Variants in PAX7 observed in about 807,000 individuals in gnomAD.
PAX7 encodes the protein paired box 7, also known as paired box protein Pax-7.
PAX7 carries 18 observed loss-of-function variants against 50.7 expected under a neutral mutation model. The ratio of observed to expected loss-of-function variants is 0.36; its 90% CI spans 0.25 to 0.53. The LOEUF (loss-of-function observed/expected upper bound fraction) is 0.53, where lower values mean the gene tolerates loss of function less well. Ranked by LOEUF, PAX7 falls within the 20% of genes least tolerant of loss-of-function variation. The pLI is 0.93. For synonymous variants in PAX7, 310 were observed against 290.4 expected, an observed-to-expected ratio of 1.07 and a Z score of -0.69; for missense variants, 644 against 702.9, an observed-to-expected ratio of 0.92 and a Z score of 0.95.
Position 18,744,934 on chromosome 1 carries a change from C to G in PAX7, c.*5C>G, listed in dbSNP as rs1433727855. The G allele has an allele frequency of 1.4e-5, 21 of 1,501,702 alleles. No homozygotes were observed. The highest frequency in any genetic ancestry group is 1.8e-5 in the Non-Finnish European group (20 of 1,101,462). The allele number at this position is 1,501,702 out of a possible 1,614,324, so 93.0% of individuals were successfully genotyped here. A position where few individuals can be genotyped will look rare whatever the true frequency, so the allele number is the denominator to read the frequency against. On this transcript the variant is annotated 3_prime_UTR_variant, in exon 9 of 9. Transcript: ENST00000420770. ...GAAACTGGCCAGGCCTACTAGGGCCCCTGGGGCGACTTGCCCCAGCCCAAT... is the reference window on the plus strand; with the variant it reads ...GAAACTGGCCAGGCCTACTAGGGCCGCTGGGGCGACTTGCCCCAGCCCAAT...
chr1:18,719,426 T>C (rs1243583568), intron 7 of PAX7, among the ~76,000 whole-genome samples: 1 of 152,172 alleles, frequency 6.6e-6, no homozygotes, highest in Non-Finnish European at 1.5e-5. Context: ...TAGGAGACAG[T>C]GTGCGCTCTC....
chr1:18,706,649 AT>A (rs35641796), intron 7 of PAX7, among the ~76,000 whole-genome samples: 104,125 of 151,538 alleles, frequency 0.69, 36,890 homozygotes, highest in East Asian at 0.8. Flanking sequence ...CTCCCAACTA[AT>A]TTTTGTATAT....
intron 4 of PAX7, among the ~76,000 whole-genome samples, chr1:18,681,022 C>T (rs2088890896): frequency 6.6e-6 from 1 of 151,974 alleles, no homozygotes. Context: ...ACAAAGTTAG[C>T]CAGGCATGGT....
In PAX7 at chr1:18,632,362, G is replaced by T. The variant is rs1489616272; in HGVS notation, c.85+674G>T. Among the ~76,000 whole-genome samples, 1 of 152,106 alleles carries T rather than the reference G, an allele frequency of 6.6e-6. No individual in the cohort carries two copies. The highest frequency in any genetic ancestry group is 2.4e-5 in the African/African-American group (1 of 41,430). On this transcript the variant is annotated intron_variant, in intron 1 of 8. Transcript: ENST00000420770. This position sits in a 1 kb window ranked among gnomAD's most constrained non-coding sequence, Gnocchi z 6.3. ...AGAGAACCTCTAAACGGCGAGAGGG[G>T]CACGGCAATGTCCAAACGAGAAGAA...
Position 18,666,916 on chromosome 1 carries a change from T to C in PAX7, c.587-24838T>C, listed in dbSNP as rs554145944. Reference sequence around the variant, plus strand: ...GACTCACCTGGGGAAAAATTCAGACTGCTTGGTGGTGGGGGCATCAGGGAC... The same window carrying C: ...GACTCACCTGGGGAAAAATTCAGACCGCTTGGTGGTGGGGGCATCAGGGAC... On this transcript the variant is annotated intron_variant, in intron 4 of 8. Coordinates refer to ENST00000420770, the MANE Select transcript of PAX7 (RefSeq NM_001135254.2). Among the ~76,000 whole-genome samples the C allele has an allele frequency of 2.6e-5, 4 of 152,252 alleles. No individual in the cohort carries two copies. In the South Asian group the frequency reaches 8.3e-4, roughly 32 times the overall value.
rs1275313235 is a variant in PAX7, at chr1:18,748,405, T to G, written c.*3476T>G. The G allele has an allele frequency of 4.3e-6, 1 of 231,360 alleles. No homozygotes were observed. The highest frequency in any genetic ancestry group is 8.6e-6 in the Non-Finnish European group (1 of 116,958). 14.3% of individuals were successfully genotyped at this position (231,360 alleles called of 1,614,324 possible). ...CGCACTATTGGACACTTTTTGGGGGTACACAGGTCTTCTCTCCTCCCCTCC... is the reference window on the plus strand; with the variant it reads ...CGCACTATTGGACACTTTTTGGGGGGACACAGGTCTTCTCTCCTCCCCTCC... On this transcript the variant is annotated 3_prime_UTR_variant, in exon 9 of 9. Transcript: ENST00000420770.
Position 18,634,952 on chromosome 1 carries a change from G to C in PAX7, c.322-159G>C, listed in dbSNP as rs941262337. Among the ~76,000 whole-genome samples, 2 of 152,136 alleles carry C rather than the reference G, an allele frequency of 1.3e-5. No individual in the cohort carries two copies. Among genetic ancestry groups the C allele is most frequent in the African/African-American group, 4.8e-5 (2 of 41,430 alleles). On this transcript the variant is annotated intron_variant, in intron 2 of 8. Coordinates refer to ENST00000420770, the MANE Select transcript of PAX7 (RefSeq NM_001135254.2). This position sits in a 1 kb window ranked among gnomAD's most constrained non-coding sequence, Gnocchi z 4.0. Reference sequence around the variant, plus strand: ...CTGCCTTCCTGGGAGCCAGGAACCGGTTTCTTGAAAGGATAAAGCCAATCT... The same window carrying C: ...CTGCCTTCCTGGGAGCCAGGAACCGCTTTCTTGAAAGGATAAAGCCAATCT...
At chr1:18,649,380 C>A (rs1356183536) in intron 4 of PAX7, among the ~76,000 whole-genome samples, 2 of 152,078 alleles carry the variant, frequency 1.3e-5, no homozygotes, top group African/African-American at 2.4e-5. Context: ...GAGACTGAGG[C>A]ACAGAGAGTT....
rs189558094 is a variant in PAX7, at chr1:18,744,859, G to A, written c.1448G>A (p.Arg483His). ...LAKNVSLSTQ[R>H]RMKLGEHSAV... ...AAAAATGTGAGCCTCTCCACCCAGCGTCGCATGAAGCTCGGGGAGCACTCT... is the reference window on the plus strand; with the variant it reads ...AAAAATGTGAGCCTCTCCACCCAGCATCGCATGAAGCTCGGGGAGCACTCT... Residue 483 changes from arginine (R) to histidine (H), a missense_variant, in exon 9 of 9, where the codon CGT becomes CAT. Physicochemically the swap from Arg to His is conservative, Grantham distance 29 (BLOSUM62 0). Coordinates refer to ENST00000420770, the MANE Select transcript of PAX7 (RefSeq NM_001135254.2). The A allele has an allele frequency of 3.3e-5, 52 of 1,558,312 alleles. No homozygotes were observed. Among genetic ancestry groups the A allele is most frequent in the Admixed American group, 1.3e-4 (7 of 51,944 alleles).
intron 7 of PAX7, among the ~76,000 whole-genome samples, chr1:18,712,035 A>G (rs903246447): frequency 3.9e-4 from 59 of 151,646 alleles, no homozygotes; most frequent in Non-Finnish European, 1.3e-4. Context: ...GCAGCCCCCA[A>G]TCCCCCAGGG....
intron 8 of PAX7, among the ~76,000 whole-genome samples, chr1:18,740,973 G>C (rs370945926): frequency 2.6e-5 from 4 of 152,158 alleles, no homozygotes; most frequent in African/African-American, 9.7e-5. Flanking sequence ...GTCAAATGAT[G>C]GTTACTAGAG....
At chr1:18,729,601 T>C (rs2089619836) in intron 7 of PAX7, among the ~76,000 whole-genome samples, 1 of 152,222 alleles carries the variant, frequency 6.6e-6, no homozygotes, top group Admixed American at 6.5e-5. Context: ...AGAGATATTT[T>C]CAATGGACTC....
chr1:18,717,877 C>T (rs2089446617), intron 7 of PAX7, among the ~76,000 whole-genome samples: 1 of 152,204 alleles, frequency 6.6e-6, no homozygotes, highest in Admixed American at 6.5e-5. Context: ...AGCCAGAAGC[C>T]TCCAGAGAGG....
chr1:18,738,279 G>A (rs1370130564), intron 8 of PAX7, among the ~76,000 whole-genome samples: 3 of 152,192 alleles, frequency 2.0e-5, no homozygotes, highest in Non-Finnish European at 2.9e-5. Context: ...TGGGCATGCA[G>A]CAGGACACAC....
At chr1:18,709,252 C>T (rs1266564086) in intron 7 of PAX7, among the ~76,000 whole-genome samples, 1 of 152,162 alleles carries the variant, frequency 6.6e-6, no homozygotes, top group African/African-American at 2.4e-5. Context: ...GCTCCTGCCA[C>T]GACCTCGTGG....
At position 18,735,556 on chromosome 1, in the gene PAX7, C is replaced by A; in HGVS notation, c.1156-76C>A. The A allele has an allele frequency of 6.5e-7, 1 of 1,546,504 alleles. No homozygotes were observed. Among genetic ancestry groups the A allele is most frequent in the Non-Finnish European group, 8.8e-7 (1 of 1,141,470 alleles). ...TGGCAAAGAGTGTTCCAGGGCCAGCCTGGCATTGTGCCCAGTGTGCTCGTG... is the reference window on the plus strand; with the variant it reads ...TGGCAAAGAGTGTTCCAGGGCCAGCATGGCATTGTGCCCAGTGTGCTCGTG... On this transcript the variant is annotated intron_variant, in intron 7 of 8. Transcript: ENST00000420770. The surrounding 1 kb of genome is among the most constrained non-coding windows in gnomAD (Gnocchi z 4.0).
intron 7 of PAX7, among the ~76,000 whole-genome samples, chr1:18,729,475 A>C (rs2089618514): frequency 6.6e-6 from 1 of 152,182 alleles, no homozygotes; most frequent in Non-Finnish European, 1.5e-5. Flanking sequence ...TTTACATGCA[A>C]GTGTGTGCAT....
intron 4 of PAX7, among the ~76,000 whole-genome samples, chr1:18,644,450 T>G (rs1201580434): frequency 6.6e-6 from 1 of 152,196 alleles, no homozygotes; most frequent in East Asian, 1.9e-4. Flanking sequence ...TGGATCCCTT[T>G]AAGAATAGGC....
intron 5 of PAX7, among the ~76,000 whole-genome samples, chr1:18,693,074 G>C (rs1359025062): frequency 6.6e-6 from 1 of 152,184 alleles, no homozygotes; most frequent in African/African-American, 2.4e-5. Context: ...GCCGGGACAA[G>C]TCGTGATGAA....
Sources: allele counts gnomAD v4.1 joint callset (sites outside exome capture counted in the v4.1 genomes callset), GRCh38; gene constraint gnomAD v4.1.1; non-coding constraint Gnocchi (gnomAD v3.1); transcripts MANE v1.5; gene names NCBI Gene and HGNC (gene_info 2026-07-23, HGNC 2026-07-21).